Variants in PPP1R37 observed in about 807,000 individuals in gnomAD.
The protein encoded by PPP1R37 is protein phosphatase 1 regulatory subunit 37.
In PPP1R37, 21 loss-of-function variants were observed where a neutral mutation model predicts 61.0. The observed-to-expected ratio is 0.34, with a 90% CI of 0.24 to 0.50. PPP1R37 has a LOEUF of 0.50. Among genes scored for constraint, PPP1R37 ranks in the 20% least tolerant of loss-of-function variants. The pLI is 0.98. For synonymous variants in PPP1R37, 443 were observed against 433.5 expected, an observed-to-expected ratio of 1.02 and a Z score of -0.27; for missense variants, 910 against 952.7, an observed-to-expected ratio of 0.96 and a Z score of 0.59.
At chr19:45,100,211 C>A (rs1433451718) in intron 1 of PPP1R37, 1 of 152,232 alleles carries the variant, frequency 6.6e-6, no homozygotes, top group Non-Finnish European at 1.5e-5. Context: ...CAGTCCCAAG[C>A]CTGCCTTCAG....
chr19:45,104,150 G>T (rs1013577903), intron 1 of PPP1R37, among the ~76,000 whole-genome samples: 2 of 152,068 alleles, frequency 1.3e-5, no homozygotes, highest in Admixed American at 1.3e-4. Context: ...CCCCTCCCGT[G>T]CTGCCTTCTG....
At chr19:45,137,047 C>T (rs984920637) in intron 1 of PPP1R37, 2 of 152,232 alleles carry the variant, frequency 1.3e-5, no homozygotes, top group Non-Finnish European at 2.9e-5. Context: ...CGAGGGGCCC[C>T]CCCCCCAAGA....
chr19:45,093,351 C>A lies in PPP1R37; in HGVS notation c.26C>A (p.Pro9Gln). The A allele has an allele frequency of 2.7e-6, 4 of 1,501,352 alleles. No homozygotes were observed. The highest frequency in any genetic ancestry group is 1.2e-5 in the South Asian group (1 of 81,092). The allele number at this position is 1,501,352 out of a possible 1,614,324, so 93.0% of individuals were successfully genotyped here. A position where few individuals can be genotyped will look rare whatever the true frequency, so the allele number is the denominator to read the frequency against. The part of the protein sequence containing the change: MEIAPQEA[P>Q]PVPGADGDIE... ...ATGGAGATCGCGCCGCAGGAGGCGC[C>A]GCCCGTGCCGGGCGCGGACGGCGAC... is the stretch of plus-strand genomic sequence containing the variant. The change falls in exon 1 of 13, where the codon CCG (proline) becomes CAG (glutamine). Residue 9 changes from proline to glutamine, a missense_variant. This residue lies in a region of PPP1R37 where 81 missense variants were observed against 65.4 expected (regional missense o/e 1.24). Transcript: ENST00000221462.
intron 1 of PPP1R37, among the ~76,000 whole-genome samples, chr19:45,114,418 G>A (rs550369035): frequency 1.9e-3 from 284 of 152,312 alleles, no homozygotes; most frequent in African/African-American, 6.6e-3. Flanking sequence ...AGCCCTCCTG[G>A]TGTCTGGAAC....
intron 6 of PPP1R37, 21 bp from the exon 7 acceptor site, chr19:45,142,282 G>A (rs1275127949): frequency 1.3e-5 from 20 of 1,535,230 alleles, no homozygotes; most frequent in Non-Finnish European, 1.7e-5. Flanking sequence ...CCCAGTCACC[G>A]TGCCCCCTCC....
intron 2 of PPP1R37, among the ~76,000 whole-genome samples, chr19:45,139,705 T>C (rs1405216098): frequency 6.6e-6 from 1 of 152,084 alleles, no homozygotes; most frequent in Non-Finnish European, 1.5e-5. Flanking sequence ...AGAGGGTGGG[T>C]CCTTGGACCC....
intron 1 of PPP1R37, chr19:45,136,756 C>G (rs1158925934): frequency 6.6e-6 from 1 of 152,552 alleles, no homozygotes; most frequent in African/African-American, 2.4e-5. Flanking sequence ...CACCGCAGTT[C>G]AGCAACCCAC....
At chr19:45,145,296 C>T (rs757134726) in intron 10 of PPP1R37, 36 bp downstream of exon 10, 74 of 1,520,038 alleles carry the variant, frequency 4.9e-5, no homozygotes, top group Admixed American at 4.1e-5. Context: ...CTGGGGCGGG[C>T]GGAAGGCCGG....
chr19:45,132,592 C>T (rs1351296262), intron 1 of PPP1R37, among the ~76,000 whole-genome samples: 1 of 151,940 alleles, frequency 6.6e-6, no homozygotes, highest in Non-Finnish European at 1.5e-5. Context: ...CACACTACCA[C>T]GCCTGGCTAA....
intron 2 of PPP1R37, 150 bp from the exon 3 acceptor site, chr19:45,140,086 C>A: frequency 1.6e-6 from 1 of 642,276 alleles, no homozygotes. Context: ...CAGGTTCCAG[C>A]TGGTGGGTGG....
chr19:45,111,153 C>T (rs541184168), intron 1 of PPP1R37, among the ~76,000 whole-genome samples: 1 of 152,214 alleles, frequency 6.6e-6, no homozygotes, highest in Non-Finnish European at 1.5e-5. Flanking sequence ...TTGACCCTGA[C>T]AGTGATCTTC....
At chr19:45,107,707 C>T (rs1443451537) in intron 1 of PPP1R37, among the ~76,000 whole-genome samples, 2 of 152,184 alleles carry the variant, frequency 1.3e-5, no homozygotes, top group Non-Finnish European at 2.9e-5. Context: ...GCGATTTGCA[C>T]CACCTGGGAT....
intron 1 of PPP1R37, among the ~76,000 whole-genome samples, chr19:45,102,382 C>T (rs1391635683): frequency 6.6e-6 from 1 of 152,208 alleles, no homozygotes; most frequent in African/African-American, 2.4e-5. Flanking sequence ...GTGCCAGTCC[C>T]AGCTCTGCCC....
chr19:45,106,978 G>A (rs540229799), intron 1 of PPP1R37, among the ~76,000 whole-genome samples: 3 of 151,564 alleles, frequency 2.0e-5, no homozygotes, highest in Admixed American at 6.6e-5. Flanking sequence ...CACCATGCCC[G>A]GCTAATTTTT....
rs1363454768 is a variant in PPP1R37 at position 45,121,718 on chromosome 19, G to A, written c.203-16796G>A. Among the ~76,000 whole-genome samples, 2 of 152,204 alleles carry A rather than the reference G, an allele frequency of 1.3e-5. No individual in the cohort carries two copies. The highest frequency in any genetic ancestry group is 2.9e-5 in the Non-Finnish European group (2 of 68,040). On this transcript the variant is annotated intron_variant, in intron 1 of 12. Transcript: ENST00000221462. The surrounding 1 kb of genome is among the most constrained non-coding windows in gnomAD (Gnocchi z 4.2). ...TGGATGCCCGCGGTGGGGTGCTGGGGCCTCCACGGGCGTCATTCTGTGGTT... is the reference window on the plus strand; with the variant it reads ...TGGATGCCCGCGGTGGGGTGCTGGGACCTCCACGGGCGTCATTCTGTGGTT...
chr19:45,126,003 C>A (rs554241223), intron 1 of PPP1R37, among the ~76,000 whole-genome samples: 1 of 152,236 alleles, frequency 6.6e-6, no homozygotes, highest in Non-Finnish European at 1.5e-5. Flanking sequence ...GTGCCCCAGG[C>A]TCCTTCCCGA....
chr19:45,095,589 C>T (rs559870863), intron 1 of PPP1R37, among the ~76,000 whole-genome samples: 3 of 151,962 alleles, frequency 2.0e-5, no homozygotes, highest in African/African-American at 7.2e-5. Flanking sequence ...AAGGTGAAAC[C>T]GCGTCTCTGC....
intron 1 of PPP1R37, among the ~76,000 whole-genome samples, chr19:45,102,488 A>AGCTG (rs1447233757): frequency 6.6e-6 from 1 of 152,238 alleles, no homozygotes; most frequent in Non-Finnish European, 1.5e-5. Context: ...CTGGAACAGT[A>AGCTG]GCTGGCTGTT....
chr19:45,127,564 G>A lies in PPP1R37; in HGVS notation c.203-10950G>A, dbSNP rs530725302. 3.9e-5 allele frequency among the ~76,000 whole-genome samples: 6 copies of A among 152,234 alleles called. No homozygotes were observed. In the South Asian group the frequency reaches 8.3e-4, roughly 21 times the overall value. On this transcript the variant is annotated intron_variant, in intron 1 of 12. Coordinates refer to ENST00000221462, the MANE Select transcript of PPP1R37 (RefSeq NM_019121.2). ...TAGTGGGAAATCTTATGGGACCACC[G>A]GCTGCATATGCAGTCCATCATTGAC...
Sources: allele counts gnomAD v4.1 joint callset (sites outside exome capture counted in the v4.1 genomes callset), GRCh38; gene constraint gnomAD v4.1.1; regional missense constraint gnomAD v4.1.1; non-coding constraint Gnocchi (gnomAD v3.1); transcripts MANE v1.5; gene names NCBI Gene and HGNC (gene_info 2026-07-23, HGNC 2026-07-21).